LRBA: variants seen among roughly 807,000 people sequenced by gnomAD.
LRBA encodes lipopolysaccharide-responsive and beige-like anchor protein.
In LRBA, 176 loss-of-function variants were observed where a neutral mutation model predicts 330.0. That is an observed-to-expected ratio of 0.53 (90% CI 0.47 to 0.60). The LOEUF is 0.60. Among genes scored for constraint, LRBA ranks in the 20% least tolerant of loss-of-function variants. The pLI is 0.00. For synonymous variants in LRBA, 1,230 were observed against 1,193.0 expected (o/e 1.03, Z -0.64); for missense variants, 3,259 against 3,444.8 (o/e 0.95, Z 1.35).
chr4:150,778,492 A>G (rs1274637958), intron 34 of LRBA, among the ~76,000 whole-genome samples: 2 of 152,176 alleles, frequency 1.3e-5, no homozygotes, highest in Non-Finnish European at 2.9e-5. Flanking sequence ...TAGGCACATG[A>G]AATATTAATA....
At chr4:150,803,081 T>TATATAC (rs1553964903) in intron 33 of LRBA, among the ~76,000 whole-genome samples, 5 of 110,992 alleles carry the variant, frequency 4.5e-5, no homozygotes, top group African/African-American at 7.6e-5. Flanking sequence ...AAAAAATATA[T>TATATAC]ATACACACAC....
chr4:150,371,827 C>T (rs1740376643), intron 47 of LRBA, among the ~76,000 whole-genome samples: 1 of 152,114 alleles, frequency 6.6e-6, no homozygotes, highest in Non-Finnish European at 1.5e-5. Context: ...ATATTCCTAT[C>T]CTAAAAATAT....
At chr4:150,296,354 CT>C (rs1163596374) in intron 53 of LRBA, among the ~76,000 whole-genome samples, 4 of 152,072 alleles carry the variant, frequency 2.6e-5, no homozygotes, top group Non-Finnish European at 5.9e-5. Context: ...GTCATGCAGC[CT>C]TAAGCCACAA....
intron 31 of LRBA, among the ~76,000 whole-genome samples, chr4:150,812,408 T>C (rs1192645245): frequency 6.6e-6 from 1 of 152,164 alleles, no homozygotes; most frequent in Non-Finnish European, 1.5e-5. Context: ...GAGTAGGCAA[T>C]TGTTTATTTA....
intron 40 of LRBA, chr4:150,580,982 T>C (rs998572753): frequency 1.3e-5 from 2 of 154,560 alleles, no homozygotes; most frequent in African/African-American, 4.8e-5. Flanking sequence ...TAAGAATACA[T>C]TCACAATTAG....
At chr4:150,983,276 G>A (rs1741057964) in intron 2 of LRBA, among the ~76,000 whole-genome samples, 1 of 151,838 alleles carries the variant, frequency 6.6e-6, no homozygotes, top group Non-Finnish European at 1.5e-5. Context: ...GGGCAACATG[G>A]CAAAAACCAT....
At chr4:150,453,979 T>C (rs1406313989) in intron 44 of LRBA, among the ~76,000 whole-genome samples, 1 of 152,130 alleles carries the variant, frequency 6.6e-6, no homozygotes, top group Non-Finnish European at 1.5e-5. Flanking sequence ...TTTTTCTTTC[T>C]TTGAGACAGA....
At chr4:150,326,274 C>T (rs76322461) in intron 48 of LRBA, among the ~76,000 whole-genome samples, 3,757 of 152,218 alleles carry the variant, frequency 0.025, 79 homozygotes, top group Non-Finnish European at 0.038. Flanking sequence ...AAAACTATTG[C>T]TTCTTTGATT....
chr4:150,547,193 T>C (rs1032854), intron 40 of LRBA, among the ~76,000 whole-genome samples: 98,592 of 151,866 alleles, frequency 0.65, 32,254 homozygotes, highest in East Asian at 0.7. Context: ...TGAAACCTAC[T>C]CATTGGTATT....
chr4:150,379,273 A>C (rs1165547434), intron 47 of LRBA, among the ~76,000 whole-genome samples: 2 of 129,974 alleles, frequency 1.5e-5, no homozygotes, highest in Non-Finnish European at 3.1e-5. Context: ...ATCGCACTCC[A>C]GCCTGGGCAA....
At chr4:150,935,372 C>G (rs1734985766) in intron 2 of LRBA, among the ~76,000 whole-genome samples, 1 of 151,840 alleles carries the variant, frequency 6.6e-6, no homozygotes, top group South Asian at 2.1e-4. Context: ...ACAGAAAATA[C>G]AAGAGTTTTA....
intron 34 of LRBA, among the ~76,000 whole-genome samples, chr4:150,777,954 C>T (rs550885222): frequency 1.2e-3 from 127 of 108,890 alleles, no homozygotes; most frequent in African/African-American, 4.5e-3. Flanking sequence ...AGCCTGGAGA[C>T]AGAGTGAGAC....
intron 43 of LRBA, 71 bp from the exon 44 acceptor site, chr4:150,467,856 T>G: frequency 1.5e-6 from 1 of 675,166 alleles, no homozygotes; most frequent in Non-Finnish European, 2.5e-6. Flanking sequence ...TAATATAATT[T>G]ACTAAAAATA....
chr4:150,390,747 T>G (rs2151907737), intron 47 of LRBA, among the ~76,000 whole-genome samples: 1 of 152,280 alleles, frequency 6.6e-6, no homozygotes, highest in African/African-American at 2.4e-5. Flanking sequence ...ACCTTTATTC[T>G]TCTTGAGTGA....
At chr4:151,003,406 A>C (rs1295993117) in intron 2 of LRBA, among the ~76,000 whole-genome samples, 1 of 151,916 alleles carries the variant, frequency 6.6e-6, no homozygotes, top group East Asian at 1.9e-4. Context: ...CAAAAAAAAA[A>C]AAAAAAACAA....
rs191761383 is a variant in LRBA at position 150,749,154 on chromosome 4, A to G, written c.5645+12629T>C. Among the ~76,000 whole-genome samples, 61 of 152,312 alleles carry G rather than the reference A, an allele frequency of 4.0e-4. 1 individual carries two copies. In the East Asian group the frequency reaches 8.3e-3, roughly 21 times the overall value. On this transcript the variant is annotated intron_variant, in intron 35 of 56. Transcript: ENST00000651943. ...ACCTAAATGTAAGAGTTATAACTATAAAACTCCTAAAAGAAAACATAAGGA... is the reference window on the plus strand; with the variant it reads ...ACCTAAATGTAAGAGTTATAACTATGAAACTCCTAAAAGAAAACATAAGGA...
Position 150,499,407 on chromosome 4 carries a change from C to T in LRBA, c.6331-8372G>A, listed in dbSNP as rs531697288. 3.3e-5 allele frequency among the ~76,000 whole-genome samples: 5 copies of T among 152,180 alleles called. No individual in the cohort carries two copies. The South Asian group carries it at 1.0e-3, about 32-fold the overall frequency. On this transcript the variant is annotated intron_variant, in intron 40 of 56. Coordinates refer to ENST00000651943, the MANE Select transcript of LRBA (RefSeq NM_001364905.1). Reference sequence around the variant, plus strand: ...CCTGTAATCCTAGCAATTTGGGAGGCTGAGGCAGGAGGATCACTTGAGGCC... The same window carrying T: ...CCTGTAATCCTAGCAATTTGGGAGGTTGAGGCAGGAGGATCACTTGAGGCC...
rs757522296 is a variant in LRBA at position 150,588,125 on chromosome 4, T to C, written c.6253A>G (p.Thr2085Ala). ...AGTTCGGAGGAGGTGACAGAAAGAG[T>C]GCCCTTTACTACAACAGAGGGGGCC... ...LVAPSVVVKG[T>A]LSVTSSELYF... Residue 2085 changes from threonine to alanine, a missense_variant, in exon 40 of 57, where the codon ACT becomes GCT. By Grantham distance (58) the Thr-to-Ala change is moderately conservative (BLOSUM62 0). Transcript: ENST00000651943. 1 of 1,612,436 alleles carries C rather than the reference T, an allele frequency of 6.2e-7. No homozygotes were observed. Among genetic ancestry groups the C allele is most frequent in the East Asian group, 2.2e-5 (1 of 44,824 alleles).
rs372629684 is a variant in LRBA, at chr4:150,955,531, T to C, written c.217-26466A>G. Among the ~76,000 whole-genome samples the C allele has an allele frequency of 8.7e-5, 13 of 148,906 alleles. 2 individuals carry two copies. The highest frequency in any genetic ancestry group is 5.8e-4 in the East Asian group (3 of 5,182). On this transcript the variant is annotated intron_variant, in intron 2 of 56. Transcript: ENST00000651943. ...TACTCAGGAGGCTGACGCAGGAAGA[T>C]TGCTTGAGCCCAGGAGTTCGAGGTC...
Sources: gnomAD v4.1 joint callset for allele counts (sites outside exome capture counted in the v4.1 genomes callset) on GRCh38, gnomAD v4.1.1 for gene constraint, MANE v1.5 for transcripts, NCBI Gene and HGNC (gene_info 2026-07-23, HGNC 2026-07-21) for gene names.